The following CFAP119 variants were observed in gnomAD, a reference collection of about 807,000 sequenced individuals.
CFAP119 encodes the protein cilia and flagella associated protein 119.
At chr16:30,760,627 G>A in the CFAP119 span, 9 of 1,556,872 alleles carry the variant, frequency 5.8e-6, no homozygotes, top group South Asian at 7.1e-5. Flanking sequence ...AGCATTGGTG[G>A]TCTTCTCCAG....
At chr16:30,759,875 G>C in the CFAP119 span, 8 of 1,452,112 alleles carry the variant, frequency 5.5e-6, no homozygotes, top group Non-Finnish European at 7.2e-6. Context: ...AACAAATACT[G>C]AATACCCACT....
At chr16:30,761,025 C>G in the CFAP119 span, 1 of 683,232 alleles carries the variant, frequency 1.5e-6, no homozygotes, top group Non-Finnish European at 2.5e-6. Context: ...CTCACACTGC[C>G]TCCTCTTTGG....
At chr16:30,760,108 T>G in the CFAP119 span, 14 of 1,541,564 alleles carry the variant, frequency 9.1e-6, no homozygotes, top group African/African-American at 1.8e-4. Context: ...TGCTGTATCC[T>G]TAATTTCTAG....
At chr16:30,759,954 T>C in the CFAP119 span, 1 of 1,447,044 alleles carries the variant, frequency 6.9e-7, no homozygotes, top group Non-Finnish European at 9.0e-7. Flanking sequence ...AAGCTTATAT[T>C]CTAGGGGAAT....
the CFAP119 span, chr16:30,761,638 C>T: frequency 1.3e-6 from 2 of 1,535,982 alleles, no homozygotes; most frequent in Non-Finnish European, 8.7e-7. Context: ...GCGCGGCCGA[C>T]CCATGCACTG....
chr16:30,760,086 C>T, the CFAP119 span: 3 of 1,536,962 alleles, frequency 2.0e-6, no homozygotes, highest in Non-Finnish European at 2.6e-6. Context: ...CAGAACAGTC[C>T]TGTAAAATGT....
At chr16:30,761,359 A>G in the CFAP119 span, 2 of 1,441,568 alleles carry the variant, frequency 1.4e-6, no homozygotes, top group Non-Finnish European at 1.9e-6. Flanking sequence ...CGGGCGAGGG[A>G]GGGCTTCAGC....
the CFAP119 span, chr16:30,761,306 C>T: frequency 2.5e-6 from 4 of 1,593,750 alleles, no homozygotes; most frequent in African/African-American, 5.4e-5. Context: ...GCCGGAGAAG[C>T]CGCTGTAACT....
chr16:30,761,369 C>T, the CFAP119 span: 1 of 1,401,892 alleles, frequency 7.1e-7, no homozygotes, highest in East Asian at 2.3e-5. Flanking sequence ...AGGGCTTCAG[C>T]AGGCCCTAGG....
the CFAP119 span, chr16:30,758,825 A>C: frequency 1.0e-6 from 1 of 976,466 alleles, no homozygotes; most frequent in Non-Finnish European, 1.5e-6. Flanking sequence ...CTGGGATTAC[A>C]GGTGTGAGCC....
the CFAP119 span, chr16:30,759,576 G>T: frequency 6.2e-7 from 1 of 1,614,008 alleles, no homozygotes; most frequent in African/African-American, 1.3e-5. Flanking sequence ...GAAGATAAGG[G>T]TGATGAATGT....
At chr16:30,759,595 C>G in the CFAP119 span, 6 of 1,613,968 alleles carry the variant, frequency 3.7e-6, no homozygotes, top group Admixed American at 1.0e-4. Flanking sequence ...GTGAGAGAGA[C>G]TGGGTGAGAC....
chr16:30,761,523 G>A, the CFAP119 span: 64 of 1,535,846 alleles, frequency 4.2e-5, no homozygotes, highest in Non-Finnish European at 5.2e-5. Flanking sequence ...TTCACGAGCA[G>A]ACCAGACTGT....
At chr16:30,758,989 G>C in the CFAP119 span, 1 of 1,613,926 alleles carries the variant, frequency 6.2e-7, no homozygotes, top group South Asian at 1.1e-5. Context: ...GGACAGGGCA[G>C]CCTGCCCTCT....
chr16:30,761,367 A>G, the CFAP119 span: 3 of 1,398,806 alleles, frequency 2.1e-6, no homozygotes, highest in African/African-American at 2.8e-5. Flanking sequence ...GGAGGGCTTC[A>G]GCAGGCCCTA....
chr16:30,761,357 G>T, the CFAP119 span: 1 of 1,441,160 alleles, frequency 6.9e-7, no homozygotes, highest in Non-Finnish European at 9.8e-7. Flanking sequence ...CGCGGGCGAG[G>T]GAGGGCTTCA....
At chr16:30,757,458 T>G in the CFAP119 span, 41 of 1,608,190 alleles carry the variant, frequency 2.5e-5, no homozygotes, top group Non-Finnish European at 3.5e-5. Context: ...AGACCTTTAT[T>G]GGGGAAAATG....
the CFAP119 span, chr16:30,761,610 G>C: frequency 1.3e-6 from 2 of 1,536,148 alleles, no homozygotes; most frequent in South Asian, 2.4e-5. Flanking sequence ...CACTGAGTCC[G>C]CACACTCGCA....
the CFAP119 span, chr16:30,761,617 C>T: frequency 1.3e-6 from 2 of 1,536,134 alleles, no homozygotes; most frequent in South Asian, 1.2e-5. Context: ...TCCGCACACT[C>T]GCACGCGTCC....
Sources: allele counts gnomAD v4.1 joint callset, GRCh38; gene constraint gnomAD v4.1.1; transcripts MANE v1.5; gene names NCBI Gene and HGNC (gene_info 2026-07-23, HGNC 2026-07-21).